The following CTNNA3 variants were observed in gnomAD, a reference collection of about 807,000 sequenced individuals.
The protein encoded by CTNNA3 is catenin alpha-3.
A neutral mutation model predicts 95.7 loss-of-function variants in CTNNA3; 76 were observed. That is an observed-to-expected ratio of 0.79 (90% CI 0.66 to 0.96). The LOEUF is 0.96. Among genes scored for constraint, CTNNA3 ranks in the 40% least tolerant of loss-of-function variants. The pLI, the probability that CTNNA3 is intolerant of heterozygous loss-of-function variation, is 0.00. For missense variants in CTNNA3, 1,191 were observed against 1,089.8 expected (o/e 1.09, Z -1.31); for synonymous variants, 431 against 374.4 (o/e 1.15, Z -1.74).
At chr10:67,231,120 GC>G (rs1302428490) in intron 5 of CTNNA3, among the ~76,000 whole-genome samples, 5 of 152,188 alleles carry the variant, frequency 3.3e-5, no homozygotes, top group African/African-American at 9.6e-5. Flanking sequence ...CATTGCCCAG[GC>G]CTGCTTAGGT....
chr10:66,318,274 ATATG>A lies in CTNNA3; in HGVS notation c.1733-37657_1733-37654del, dbSNP rs1554932054. On this transcript the variant is annotated intron_variant, in intron 12 of 17. Transcript: ENST00000433211. Reference sequence around the variant, plus strand: ...GAGTTGCTGGGAGATATATATATATATATGTGTGTGTGTGTGTGTGTGTGTGTGT... The same window carrying A: ...GAGTTGCTGGGAGATATATATATATATGTGTGTGTGTGTGTGTGTGTGTGT... 2.6e-3 allele frequency among the ~76,000 whole-genome samples: 219 copies of A among 83,718 alleles called. 2 individuals carry two copies. The highest frequency in any genetic ancestry group is 7.8e-3 in the African/African-American group (207 of 26,632). 54.9% of individuals were successfully genotyped at this position (83,718 alleles called of 152,430 possible).
chr10:66,255,204 T>G (rs1458269986), intron 13 of CTNNA3, among the ~76,000 whole-genome samples: 2 of 152,136 alleles, frequency 1.3e-5, no homozygotes, highest in Admixed American at 6.5e-5. Context: ...AGGCCTAGAC[T>G]GCTCATCCAG....
chr10:67,508,894 A>T (rs570510319), intron 5 of CTNNA3, among the ~76,000 whole-genome samples: 23 of 148,430 alleles, frequency 1.5e-4, no homozygotes, highest in Middle Eastern at 6.8e-3. Context: ...TTTTTTTTTG[A>T]GACCTAAGTC....
chr10:67,613,373 GAA>G (rs377684900), intron 2 of CTNNA3, among the ~76,000 whole-genome samples: 3 of 139,452 alleles, frequency 2.2e-5, no homozygotes, highest in East Asian at 2.1e-4. Context: ...TTTACTGGAT[GAA>G]AAAAAAAAAA....
At chr10:67,627,271 C>T (rs1838990269) in intron 2 of CTNNA3, among the ~76,000 whole-genome samples, 1 of 152,040 alleles carries the variant, frequency 6.6e-6, no homozygotes, top group Non-Finnish European at 1.5e-5. Context: ...TGCCCTGGGC[C>T]CTATATTAGG....
intron 15 of CTNNA3, among the ~76,000 whole-genome samples, chr10:66,047,264 C>T (rs10430464): frequency 0.18 from 27,731 of 152,042 alleles, 2,721 homozygotes; most frequent in South Asian, 0.35. Flanking sequence ...AGCAGCATGT[C>T]GAAAGACTAA....
intron 7 of CTNNA3, among the ~76,000 whole-genome samples, chr10:67,147,780 A>G (rs1860912597): frequency 6.6e-6 from 1 of 152,214 alleles, no homozygotes; most frequent in East Asian, 1.9e-4. Flanking sequence ...TGAACTCAAA[A>G]TTACAAAAAT....
chr10:66,879,757 A>C (rs1373093388), intron 7 of CTNNA3, among the ~76,000 whole-genome samples: 1 of 152,104 alleles, frequency 6.6e-6, no homozygotes, highest in African/African-American at 2.4e-5. Context: ...GACAGAAGGC[A>C]GAGTGAAAAT....
chr10:66,505,333 T>C (rs1450550731), intron 11 of CTNNA3, among the ~76,000 whole-genome samples: 1 of 152,192 alleles, frequency 6.6e-6, no homozygotes, highest in Non-Finnish European at 1.5e-5. Context: ...GGAAGCCTAT[T>C]CAATCATTTC....
chr10:65,977,569 TC>T (rs2078230822), intron 16 of CTNNA3, among the ~76,000 whole-genome samples: 1 of 151,972 alleles, frequency 6.6e-6, no homozygotes, highest in South Asian at 2.1e-4. Context: ...TGACCTGAGG[TC>T]AGGAGTTCGA....
At position 67,180,274 on chromosome 10, in the gene CTNNA3, A is replaced by G. The variant is rs777905110; in HGVS notation, c.1047+43T>C. ...TATCTCAGCCTATATTCAAAGTACA[A>G]GGGAAGAGGGGCTAGGGATGGGAAG... On this transcript the variant is annotated intron_variant, in intron 7 of 17. Transcript: ENST00000433211. 40 of 1,507,930 alleles carry G rather than the reference A, an allele frequency of 2.7e-5. No homozygotes were observed. In the South Asian group the frequency reaches 4.0e-4, roughly 15 times the overall value. 93.4% of individuals were successfully genotyped at this position (1,507,930 alleles called of 1,614,324 possible).
At chr10:66,797,562 G>A (rs1444685943) in intron 7 of CTNNA3, among the ~76,000 whole-genome samples, 1 of 151,934 alleles carries the variant, frequency 6.6e-6, no homozygotes, top group Admixed American at 6.6e-5. Flanking sequence ...CTAGGTGAAG[G>A]TTGAAAAGAA....
chr10:67,219,512 T>G, intron 6 of CTNNA3, 95 bp downstream of exon 6: 1 of 1,360,004 alleles, frequency 7.4e-7, no homozygotes, highest in Non-Finnish European at 9.9e-7. Context: ...TATTTTCTCA[T>G]GCTCTAAACG....
intron 7 of CTNNA3, among the ~76,000 whole-genome samples, chr10:66,955,054 A>T (rs949107733): frequency 1.3e-5 from 2 of 152,188 alleles, no homozygotes; most frequent in African/African-American, 2.4e-5. Flanking sequence ...GTCTTTCCAA[A>T]TTTCTTATCA....
At chr10:67,647,149 T>C (rs1839739205) in intron 2 of CTNNA3, among the ~76,000 whole-genome samples, 1 of 6,408 alleles carries the variant, frequency 1.6e-4, no homozygotes, top group Non-Finnish European at 2.5e-4. Flanking sequence ...CTGAAAATTA[T>C]ATATATATAT....
At chr10:66,759,459 A>G (rs191934379) in intron 9 of CTNNA3, among the ~76,000 whole-genome samples, 2 of 152,234 alleles carry the variant, frequency 1.3e-5, no homozygotes, top group Admixed American at 1.3e-4. Flanking sequence ...AAGATTTTCT[A>G]TGGGGTTAAT....
chr10:66,828,967 A>G (rs1842613806), intron 7 of CTNNA3, among the ~76,000 whole-genome samples: 1 of 152,256 alleles, frequency 6.6e-6, no homozygotes, highest in South Asian at 2.1e-4. Context: ...AATGCAATAC[A>G]CACAACCCAC....
intron 15 of CTNNA3, among the ~76,000 whole-genome samples, chr10:66,045,531 C>A (rs964373789): frequency 6.6e-6 from 1 of 152,098 alleles, no homozygotes; most frequent in African/African-American, 2.4e-5. Flanking sequence ...ATTTTGGTAT[C>A]TCTAGTGGCA....
rs571717631 is a variant in CTNNA3, at chr10:67,297,589, C to T, written c.580-77719G>A. ...TTAACATATCATAGGAAATTCCCCA[C>T]GAAGCCATAGATATGGACTGAAGAA... is the stretch of plus-strand genomic sequence containing the variant. On this transcript the variant is annotated intron_variant, in intron 5 of 17. Transcript: ENST00000433211. 1.3e-4 allele frequency among the ~76,000 whole-genome samples: 20 copies of T among 152,284 alleles called. 1 individual carries two copies. The highest frequency in any genetic ancestry group is 6.2e-4 in the South Asian group (3 of 4,824).
Sources: allele counts gnomAD v4.1 joint callset (sites outside exome capture counted in the v4.1 genomes callset), GRCh38; gene constraint gnomAD v4.1.1; transcripts MANE v1.5; gene names NCBI Gene and HGNC (gene_info 2026-07-23, HGNC 2026-07-21).